SHC3: variants seen among roughly 807,000 people sequenced by gnomAD.
The protein encoded by SHC3 is SHC-transforming protein 3.
SHC3 carries 15 observed loss-of-function variants against 60.4 expected under a neutral mutation model. The observed-to-expected ratio is 0.25, with a 90% CI of 0.17 to 0.38. The LOEUF is 0.38. SHC3 is among the 10% of genes least tolerant of loss of function. The pLI is 1.00. For missense variants in SHC3, 677 were observed against 786.1 expected, an observed-to-expected ratio of 0.86 and a Z score of 1.66; for synonymous variants, 294 against 325.9, an observed-to-expected ratio of 0.90 and a Z score of 1.05.
At chr9:89,082,165 C>G (rs1473875592) in intron 2 of SHC3, among the ~76,000 whole-genome samples, 1 of 152,180 alleles carries the variant, frequency 6.6e-6, no homozygotes, top group Non-Finnish European at 1.5e-5. Flanking sequence ...CACCCAACCC[C>G]TCTCCTCTCA....
At position 89,165,749 on chromosome 9, in the gene SHC3, A is replaced by G. The variant is rs537508865; in HGVS notation, c.474+12238T>C. On this transcript the variant is annotated intron_variant, in intron 1 of 11. Transcript: ENST00000375835. ...CAAGAAACAGATGCCAGAGGGAAAA[A>G]TTGTGAATTTATTTTGAGACATGCT... Among the ~76,000 whole-genome samples the G allele has an allele frequency of 7.0e-4, 107 of 152,232 alleles. 2 individuals carry two copies. In the Middle Eastern group the frequency reaches 0.01, roughly 15 times the overall value.
intron 11 of SHC3, among the ~76,000 whole-genome samples, chr9:89,019,063 A>G (rs895752681): frequency 7.2e-6 from 1 of 139,464 alleles, no homozygotes; most frequent in African/African-American, 2.7e-5. Context: ...TGTCTCAGAG[A>G]AAAAAAAAAA....
At chr9:89,174,439 C>T (rs1381734593) in intron 1 of SHC3, among the ~76,000 whole-genome samples, 1 of 152,170 alleles carries the variant, frequency 6.6e-6, no homozygotes, top group Non-Finnish European at 1.5e-5. Flanking sequence ...AAATATACAA[C>T]ACTCCACAAG....
intron 4 of SHC3, among the ~76,000 whole-genome samples, chr9:89,073,502 G>T (rs1009339856): frequency 6.6e-6 from 1 of 152,098 alleles, no homozygotes; most frequent in Non-Finnish European, 1.5e-5. Flanking sequence ...CTACAGTTGG[G>T]CCCAAAAGTC....
intron 1 of SHC3, among the ~76,000 whole-genome samples, chr9:89,114,771 A>G (rs1825998396): frequency 6.6e-6 from 1 of 152,120 alleles, no homozygotes; most frequent in Admixed American, 6.6e-5. Flanking sequence ...GAGTTATATA[A>G]ATACCCCCAC....
chr9:89,148,944 A>G (rs2118210689), intron 1 of SHC3, among the ~76,000 whole-genome samples: 1 of 152,332 alleles, frequency 6.6e-6, no homozygotes, highest in African/African-American at 2.4e-5. Context: ...AAAAGAATAG[A>G]AGTTGGAGTC....
At chr9:89,139,182 T>G (rs1826358838) in intron 1 of SHC3, among the ~76,000 whole-genome samples, 1 of 152,228 alleles carries the variant, frequency 6.6e-6, no homozygotes, top group Non-Finnish European at 1.5e-5. Context: ...CCCATCCCTC[T>G]TATTTCTTCT....
At chr9:89,146,326 C>T (rs1006879794) in intron 1 of SHC3, among the ~76,000 whole-genome samples, 1 of 151,724 alleles carries the variant, frequency 6.6e-6, no homozygotes, top group African/African-American at 2.4e-5. Context: ...CACTGCACTC[C>T]AGCCTGGGTG....
intron 7 of SHC3, among the ~76,000 whole-genome samples, chr9:89,050,753 T>G (rs1438008587): frequency 6.6e-6 from 1 of 152,216 alleles, no homozygotes; most frequent in African/African-American, 2.4e-5. Flanking sequence ...TGTATATTGG[T>G]GAATTCTTAT....
At chr9:89,070,962 G>C (rs993223752) in intron 5 of SHC3, among the ~76,000 whole-genome samples, 5 of 152,148 alleles carry the variant, frequency 3.3e-5, no homozygotes, top group African/African-American at 1.2e-4. Flanking sequence ...AGTGCCTCCA[G>C]GATTTTTGAC....
intron 6 of SHC3, among the ~76,000 whole-genome samples, chr9:89,059,358 TAGTGGAGGATGC>T (rs1825026500): frequency 9.9e-6 from 1 of 100,920 alleles, no homozygotes; most frequent in African/African-American, 7.5e-5. Context: ...GTGGAGGATG[TAGTGGAGGATGC>T]GGTGGAGGAC....
At chr9:89,173,579 T>C (rs770487621) in intron 1 of SHC3, among the ~76,000 whole-genome samples, 12 of 152,208 alleles carry the variant, frequency 7.9e-5, no homozygotes, top group Non-Finnish European at 1.2e-4. Context: ...TTTCCTATTT[T>C]CTAACAAGAA....
intron 1 of SHC3, among the ~76,000 whole-genome samples, chr9:89,130,535 T>C (rs1405150681): frequency 1.3e-5 from 2 of 152,138 alleles, no homozygotes; most frequent in African/African-American, 2.4e-5. Context: ...CCTCGGCAAA[T>C]GTAAAAGAAC....
intron 11 of SHC3, among the ~76,000 whole-genome samples, chr9:89,030,137 G>A (rs758171058): frequency 2.0e-5 from 3 of 151,914 alleles, no homozygotes; most frequent in Non-Finnish European, 4.4e-5. Flanking sequence ...GAGATAAAGG[G>A]GGACATTTCA....
chr9:89,125,514 A>G (rs1456621420), intron 1 of SHC3, among the ~76,000 whole-genome samples: 3 of 152,136 alleles, frequency 2.0e-5, no homozygotes, highest in Admixed American at 6.5e-5. Flanking sequence ...TCCATCTTGA[A>G]TAGGAGCTGG....
intron 2 of SHC3, among the ~76,000 whole-genome samples, chr9:89,083,061 C>G (rs1427720166): frequency 6.6e-6 from 1 of 152,204 alleles, no homozygotes; most frequent in Non-Finnish European, 1.5e-5. Context: ...CAGCTCTCAC[C>G]CCACACAAGG....
chr9:89,113,914 G>A (rs964653315), intron 1 of SHC3, among the ~76,000 whole-genome samples: 2 of 152,154 alleles, frequency 1.3e-5, no homozygotes, highest in African/African-American at 4.8e-5. Flanking sequence ...AGAGTTATGT[G>A]ATTACAACAA....
chr9:89,044,927 C>T (rs1824747387), intron 9 of SHC3, among the ~76,000 whole-genome samples: 1 of 152,180 alleles, frequency 6.6e-6, no homozygotes, highest in Admixed American at 6.5e-5. Flanking sequence ...TCCCTGGTGC[C>T]ACCTCTGCCT....
intron 7 of SHC3, 106 bp downstream of exon 7, chr9:89,051,931 G>A (rs535072245): frequency 3.5e-5 from 53 of 1,497,914 alleles, no homozygotes; most frequent in Non-Finnish European, 4.6e-5. Context: ...AGGAAGCCCT[G>A]TGATTAATTG....
Sources: gnomAD v4.1 joint callset for allele counts (sites outside exome capture counted in the v4.1 genomes callset) on GRCh38, gnomAD v4.1.1 for gene constraint, MANE v1.5 for transcripts, NCBI Gene and HGNC (gene_info 2026-07-23, HGNC 2026-07-21) for gene names.